RBM20: variants seen among roughly 807,000 people sequenced by gnomAD.
RBM20 encodes RNA binding motif protein 20.
A neutral mutation model predicts 110.1 loss-of-function variants in RBM20; 51 were observed. The observed-to-expected ratio is 0.46, with a 90% CI of 0.37 to 0.59. The LOEUF (loss-of-function observed/expected upper bound fraction) is 0.59. Among genes scored for constraint, RBM20 ranks in the 20% least tolerant of loss-of-function variants. The probability of loss-of-function intolerance (pLI) is 0.00; values close to 1 mark genes in which losing one functional copy is unlikely to be tolerated. For synonymous variants in RBM20, 589 were observed against 618.2 expected (o/e 0.95, Z 0.70); for missense variants, 1,512 against 1,574.9 (o/e 0.96, Z 0.68).
intron 1 of RBM20, among the ~76,000 whole-genome samples, chr10:110,649,945 G>GTT (rs767870256): frequency 4.7e-4 from 71 of 152,302 alleles, no homozygotes; most frequent in Middle Eastern, 6.8e-3. Context: ...AAGAAGACAT[G>GTT]TTTTTGAATC....
chr10:110,704,085 C>T (rs1862798838), intron 1 of RBM20, among the ~76,000 whole-genome samples: 1 of 152,200 alleles, frequency 6.6e-6, no homozygotes, highest in South Asian at 2.1e-4. Flanking sequence ...ACACTCCAGC[C>T]TGGGCAACAA....
chr10:110,743,063 G>T (rs1205186990), intron 1 of RBM20, among the ~76,000 whole-genome samples: 10 of 152,188 alleles, frequency 6.6e-5, no homozygotes, highest in Admixed American at 2.6e-4. Flanking sequence ...CTCAAGCCTG[G>T]CAGGGTTCCG....
chr10:110,643,261 G>A (rs1476175654), upstream of RBM20, among the ~76,000 whole-genome samples: 2 of 152,258 alleles, frequency 1.3e-5, no homozygotes, highest in South Asian at 2.1e-4. Flanking sequence ...CCTGTATGCC[G>A]GACAGCCGGT....
intron 1 of RBM20, among the ~76,000 whole-genome samples, chr10:110,691,571 T>C (rs1590620239): frequency 6.6e-6 from 1 of 152,372 alleles, no homozygotes. Context: ...GACACTTGTA[T>C]ATCTTCTTTA....
At chr10:110,644,277 A>C, upstream of RBM20, 1 of 438,010 alleles carries the variant, frequency 2.3e-6, no homozygotes, top group Non-Finnish European at 3.9e-6. The surrounding 1 kb of genome is among the most constrained non-coding windows in gnomAD (Gnocchi z 4.3). Flanking sequence ...GAGCTGGAGC[A>C]GCGGGAGGAG....
intron 13 of RBM20, among the ~76,000 whole-genome samples, chr10:110,834,224 C>T (rs910965187): frequency 4.6e-5 from 7 of 152,218 alleles, no homozygotes; most frequent in Admixed American, 2.0e-4. Context: ...TTGCCTTCCT[C>T]AGCACACGGT....
chr10:110,807,320 G>A (rs1205915792), intron 7 of RBM20, among the ~76,000 whole-genome samples: 1 of 152,224 alleles, frequency 6.6e-6, no homozygotes, highest in African/African-American at 2.4e-5. Flanking sequence ...AGGAGGTTCT[G>A]TGGTTAAGAA....
Position 110,781,635 on chromosome 10 carries a change from C to G in RBM20, c.1026C>G (p.Pro342=). Reference sequence around the variant, plus strand: ...CAGCAGGTCCCATGTGGCCTCCACCCCACAACCAGCCCTATGAGCTGTACG... The same window carrying G: ...CAGCAGGTCCCATGTGGCCTCCACCGCACAACCAGCCCTATGAGCTGTACG... ...DLTAGPMWPP[P]HNQPYELYDP... is the part of the protein sequence containing the mutation. The change falls in exon 2 of 14, where the codon CCC becomes CCG. Residue 342 remains proline, a synonymous_variant. Coordinates refer to ENST00000369519, the MANE Select transcript of RBM20 (RefSeq NM_001134363.3). 1 of 1,549,544 alleles carries G rather than the reference C, an allele frequency of 6.5e-7. No homozygotes were observed. Among genetic ancestry groups the G allele is most frequent in the East Asian group, 2.4e-5 (1 of 40,878 alleles).
chr10:110,805,287 A>T (rs1434756716), intron 7 of RBM20, among the ~76,000 whole-genome samples: 2 of 152,192 alleles, frequency 1.3e-5, no homozygotes, highest in African/African-American at 4.8e-5. Context: ...GAAGAAGGGG[A>T]GAATTAGCTA....
chr10:110,673,379 T>C (rs1367792571), intron 1 of RBM20, among the ~76,000 whole-genome samples: 1 of 152,076 alleles, frequency 6.6e-6, no homozygotes, highest in Admixed American at 6.5e-5. Context: ...GCCTGGCTAA[T>C]TTTTTTATTT....
chr10:110,803,910 C>T (rs1844663383), intron 7 of RBM20, among the ~76,000 whole-genome samples: 1 of 151,554 alleles, frequency 6.6e-6, no homozygotes, highest in Non-Finnish European at 1.5e-5. Flanking sequence ...GATTCAGGAC[C>T]CAGAGACCCT....
chr10:110,758,646 G>A (rs927998483), intron 1 of RBM20, among the ~76,000 whole-genome samples: 3 of 152,204 alleles, frequency 2.0e-5, no homozygotes, highest in East Asian at 1.9e-4. Flanking sequence ...ACCTGCCGCC[G>A]ATGATATGTG....
intron 1 of RBM20, among the ~76,000 whole-genome samples, chr10:110,713,888 C>T (rs752149723): frequency 1.3e-5 from 2 of 152,108 alleles, no homozygotes; most frequent in Non-Finnish European, 2.9e-5. Flanking sequence ...CTAAGGACTA[C>T]GTTTTTGGGC....
chr10:110,800,257 T>C (rs1258420645), intron 7 of RBM20, among the ~76,000 whole-genome samples: 3 of 152,208 alleles, frequency 2.0e-5, no homozygotes, highest in Non-Finnish European at 4.4e-5. Flanking sequence ...CTTCTCTCCC[T>C]ATACAGACCT....
At chr10:110,714,443 G>T (rs976749207) in intron 1 of RBM20, among the ~76,000 whole-genome samples, 1 of 152,140 alleles carries the variant, frequency 6.6e-6, no homozygotes, top group Non-Finnish European at 1.5e-5. Context: ...GACCATCTAG[G>T]CTCCTAGGAA....
chr10:110,747,692 A>G (rs892466350), intron 1 of RBM20, among the ~76,000 whole-genome samples: 1 of 152,230 alleles, frequency 6.6e-6, no homozygotes, highest in African/African-American at 2.4e-5. Context: ...ATCCAAGGCT[A>G]GAAGGTAGAT....
chr10:110,645,278 T>C (rs550528169), intron 1 of RBM20, among the ~76,000 whole-genome samples: 51 of 151,624 alleles, frequency 3.4e-4, no homozygotes, highest in Admixed American at 2.2e-3. Flanking sequence ...CTTGAGAAGG[T>C]TGGGGGTGGT....
chr10:110,698,777 G>A (rs190836654), intron 1 of RBM20, among the ~76,000 whole-genome samples: 2 of 152,262 alleles, frequency 1.3e-5, no homozygotes, highest in African/African-American at 2.4e-5. Flanking sequence ...AAATAGCCCC[G>A]CACCATGTGA....
chr10:110,689,815 C>A (rs1276656782), intron 1 of RBM20, among the ~76,000 whole-genome samples: 1 of 152,176 alleles, frequency 6.6e-6, no homozygotes, highest in Non-Finnish European at 1.5e-5. Flanking sequence ...TGGTATTCTT[C>A]ATATCATCAA....
Sources: allele counts gnomAD v4.1 joint callset (sites outside exome capture counted in the v4.1 genomes callset), GRCh38; gene constraint gnomAD v4.1.1; non-coding constraint Gnocchi (gnomAD v3.1); transcripts MANE v1.5; gene names NCBI Gene and HGNC (gene_info 2026-07-23, HGNC 2026-07-21).